The following SETD2 variants were observed in gnomAD, a reference collection of about 807,000 sequenced individuals.
SETD2 encodes the protein SET domain containing 2, histone lysine methyltransferase.
In SETD2, 31 loss-of-function variants were observed where a neutral mutation model predicts 242.1. The ratio of observed to expected loss-of-function variants is 0.13; its 90% CI spans 0.10 to 0.17. The LOEUF is 0.17. Among genes scored for constraint, SETD2 ranks in the 10% least tolerant of loss-of-function variants. The pLI, the probability that SETD2 is intolerant of heterozygous loss-of-function variation, is 1.00. For missense variants in SETD2, 2,481 were observed against 3,046.3 expected (o/e 0.81, Z 4.37); for synonymous variants, 1,006 against 1,066.5 (o/e 0.94, Z 1.11).
At chr3:47,042,102 C>T (rs932872060) in intron 17 of SETD2, among the ~76,000 whole-genome samples, 1 of 152,192 alleles carries the variant, frequency 6.6e-6, no homozygotes, top group Non-Finnish European at 1.5e-5. Context: ...GGCTCAATCC[C>T]AGCACTTTGG....
intron 12 of SETD2, among the ~76,000 whole-genome samples, chr3:47,073,207 C>A (rs189294003): frequency 6.7e-6 from 1 of 149,638 alleles, no homozygotes; most frequent in African/African-American, 2.5e-5. Context: ...AAAGAACAGA[C>A]AAAACGCAGT....
chr3:47,133,111 C>T (rs1403013268), intron 1 of SETD2, among the ~76,000 whole-genome samples: 1 of 151,898 alleles, frequency 6.6e-6, no homozygotes, highest in Non-Finnish European at 1.5e-5. Context: ...ATGATGTATA[C>T]ATATATGTAT....
At chr3:47,058,962 TTTG>T (rs545561796) in intron 14 of SETD2, among the ~76,000 whole-genome samples, 70 of 151,086 alleles carry the variant, frequency 4.6e-4, no homozygotes, top group Admixed American at 1.4e-3. Context: ...GCCTGGCTAA[TTTG>T]TTGTTGTTGT....
intron 12 of SETD2, among the ~76,000 whole-genome samples, chr3:47,081,323 C>T (rs1250883971): frequency 6.6e-6 from 1 of 152,134 alleles, no homozygotes; most frequent in East Asian, 1.9e-4. Flanking sequence ...TTATGGTGGC[C>T]CCCGGTTGGC....
At chr3:47,044,956 T>C (rs1415263594) in intron 16 of SETD2, among the ~76,000 whole-genome samples, 2 of 152,216 alleles carry the variant, frequency 1.3e-5, no homozygotes, top group Non-Finnish European at 2.9e-5. Flanking sequence ...AAATTAGAGA[T>C]GCTCAAGTGG....
Position 47,155,729 on chromosome 3 carries a change from C to T in SETD2, c.71+8125G>A, listed in dbSNP as rs974758885. Among the ~76,000 whole-genome samples the T allele has an allele frequency of 2.6e-5, 4 of 152,308 alleles. No individual in the cohort carries two copies. In the South Asian group the frequency reaches 8.3e-4, roughly 32 times the overall value. On this transcript the variant is annotated intron_variant, in intron 1 of 20. Transcript: ENST00000409792. ...ACTGAGGTGGGAGGATCGCTTGAGCCTCAGAGGCAGAGGTTGCAGTGAGCC... is the reference window on the plus strand; with the variant it reads ...ACTGAGGTGGGAGGATCGCTTGAGCTTCAGAGGCAGAGGTTGCAGTGAGCC...
chr3:47,107,317 C>T (rs1683238483), intron 5 of SETD2, among the ~76,000 whole-genome samples: 1 of 151,912 alleles, frequency 6.6e-6, no homozygotes, highest in South Asian at 2.1e-4. Context: ...AATCAATGTA[C>T]TTATTAAAGG....
intron 12 of SETD2, among the ~76,000 whole-genome samples, chr3:47,078,375 C>T (rs188919884): frequency 1.1e-4 from 16 of 152,110 alleles, no homozygotes; most frequent in Non-Finnish European, 5.9e-5. Context: ...AACCCAACTG[C>T]GGGGTATTCT....
chr3:47,154,175 C>T (rs932402545), intron 1 of SETD2, among the ~76,000 whole-genome samples: 8 of 152,108 alleles, frequency 5.3e-5, no homozygotes, highest in Non-Finnish European at 1.2e-4. Context: ...CTTTGGGAGG[C>T]CAAGGAGGGC....
intron 1 of SETD2, among the ~76,000 whole-genome samples, chr3:47,130,785 A>G (rs1376073373): frequency 6.6e-6 from 1 of 152,224 alleles, no homozygotes; most frequent in Non-Finnish European, 1.5e-5. Context: ...AGAAAAAAAA[A>G]AGAATATGTT....
At chr3:47,158,761 T>C (rs1463180645) in intron 1 of SETD2, among the ~76,000 whole-genome samples, 1 of 152,212 alleles carries the variant, frequency 6.6e-6, no homozygotes, top group Non-Finnish European at 1.5e-5. Context: ...CTAACTCCCA[T>C]GTTTGATCAA....
At chr3:47,158,029 AGAGAT>A (rs2044165443) in intron 1 of SETD2, among the ~76,000 whole-genome samples, 4 of 152,200 alleles carry the variant, frequency 2.6e-5, no homozygotes, top group Admixed American at 2.6e-4. Flanking sequence ...ATTAAGTAAA[AGAGAT>A]GAGATTCTAA....
intron 1 of SETD2, among the ~76,000 whole-genome samples, chr3:47,130,584 T>TTC (rs2043454020): frequency 6.6e-6 from 1 of 152,004 alleles, no homozygotes; most frequent in African/African-American, 2.4e-5. Flanking sequence ...GTAAATAATA[T>TTC]CAAGAGCAAA....
rs746564106 is a variant in SETD2, at chr3:47,067,129, T to C, written c.6061-11A>G. On this transcript the variant is annotated splice_polypyrimidine_tract_variant and intron_variant, in intron 12 of 20. Coordinates refer to ENST00000409792, the MANE Select transcript of SETD2 (RefSeq NM_014159.7). The stretch of plus-strand genomic sequence containing the variant: ...AATTCGATATACCTCCTGCAAAAAA[T>C]AAACCAGAGGGAGGGTTATTAGTGA... 4 of 1,607,588 alleles carry C rather than the reference T, an allele frequency of 2.5e-6. No individual in the cohort carries two copies. In the Admixed American group the frequency reaches 5.0e-5, roughly 20 times the overall value.
chr3:47,041,449 C>T, intron 17 of SETD2: 1 of 380,546 alleles, frequency 2.6e-6, no homozygotes. Flanking sequence ...GGAGTTCGTG[C>T]AGATCAGTCT....
Position 47,032,529 on chromosome 3 carries a change from T to C in SETD2, c.7350+5137A>G, listed in dbSNP as rs575622724. ...AAATAAAGAGGTATGGCTAAGCCAA[T>C]AGGAAAAACAAAAACAAAAAAAAAC... On this transcript the variant is annotated intron_variant, in intron 18 of 20. Transcript: ENST00000409792. 6.0e-5 allele frequency among the ~76,000 whole-genome samples: 9 copies of C among 150,936 alleles called. No homozygotes were observed. In the South Asian group the frequency reaches 1.7e-3, roughly 28 times the overall value.
chr3:47,054,512 C>A (rs936308000), intron 15 of SETD2, among the ~76,000 whole-genome samples: 5 of 152,232 alleles, frequency 3.3e-5, no homozygotes, highest in Middle Eastern at 6.8e-3. Context: ...AAACTAATGG[C>A]TTGGTCCAAG....
At position 47,154,357 on chromosome 3, in the gene SETD2, C is replaced by T. The variant is rs913570291; in HGVS notation, c.71+9497G>A. Among the ~76,000 whole-genome samples, 13 of 151,528 alleles carry T rather than the reference C, an allele frequency of 8.6e-5. 1 individual carries two copies. The highest frequency in any genetic ancestry group is 4.9e-5 in the African/African-American group (2 of 41,170). ...CCAGGAGGCAAAGGTTGCAGTGAGC[C>T]GAGATTGTGCCACTGCACTCCAGCC... is the stretch of plus-strand genomic sequence containing the variant. On this transcript the variant is annotated intron_variant, in intron 1 of 20. Transcript: ENST00000409792.
rs561734692 is a variant in SETD2 at position 47,124,113 on chromosome 3, C to A, written c.523G>T (p.Ala175Ser). The part of the protein sequence containing the change: ...SPPTHAAPLP[A>S]VIAESTTVDS... Reference sequence around the variant, plus strand: ...ACAGTTGTTGATTCTGCTATCACTGCTGGTAATGGTGCTGCATGAGTAGGT... The same window carrying A: ...ACAGTTGTTGATTCTGCTATCACTGATGGTAATGGTGCTGCATGAGTAGGT... Residue 175 changes from alanine (A) to serine (S), a missense_variant, in exon 3 of 21, where the codon GCA (alanine) becomes TCA (serine). By Grantham distance (99) the Ala-to-Ser change is moderately conservative. Transcript: ENST00000409792. 7 of 1,551,948 alleles carry A rather than the reference C, an allele frequency of 4.5e-6. No individual in the cohort carries two copies. The South Asian group carries it at 8.3e-5, about 18-fold the overall frequency.
Sources: gnomAD v4.1 joint callset for allele counts (sites outside exome capture counted in the v4.1 genomes callset) on GRCh38, gnomAD v4.1.1 for gene constraint, MANE v1.5 for transcripts, NCBI Gene and HGNC (gene_info 2026-07-23, HGNC 2026-07-21) for gene names.